The following CFAP58 variants were observed in gnomAD, a reference collection of about 807,000 sequenced individuals.
The protein encoded by CFAP58 is cilia and flagella associated protein 58, also known as cilia- and flagella-associated protein 58.
In CFAP58, 88 loss-of-function variants were observed where a neutral mutation model predicts 119.5. The ratio of observed to expected loss-of-function variants is 0.74; its 90% confidence interval spans 0.62 to 0.88. The LOEUF (loss-of-function observed/expected upper bound fraction) is 0.88, where lower values mean the gene tolerates loss of function less well. Among genes scored for constraint, CFAP58 ranks in the 40% least tolerant of loss-of-function variants. The probability of loss-of-function intolerance (pLI) is 0.00; values close to 1 mark genes in which losing one functional copy is unlikely to be tolerated. For missense variants in CFAP58, 990 were observed against 1,021.2 expected, an observed-to-expected ratio of 0.97 and a Z score of 0.42; for synonymous variants, 365 against 366.3, an observed-to-expected ratio of 1.00 and a Z score of 0.04.
At chr10:104,345,125 C>G in the CFAP58 span, among the ~76,000 whole-genome samples, 1 of 151,146 alleles carries the variant, frequency 6.6e-6, no homozygotes, top group Non-Finnish European at 1.5e-5. Flanking sequence ...CCAGCCTGGG[C>G]GACAGAGTGA....
chr10:104,363,620 A>G (rs902260044), intron 3 of CFAP58, among the ~76,000 whole-genome samples: 7 of 152,218 alleles, frequency 4.6e-5, no homozygotes, highest in Non-Finnish European at 1.0e-4. Context: ...TGGAAGAAAC[A>G]ATCCAGCCAA....
chr10:104,428,037 G>A (rs888289446), intron 15 of CFAP58, among the ~76,000 whole-genome samples: 2 of 152,170 alleles, frequency 1.3e-5, no homozygotes, highest in African/African-American at 2.4e-5. Flanking sequence ...TGTATTCCTT[G>A]CTTAGATAAA....
intron 1 of CFAP58, among the ~76,000 whole-genome samples, chr10:104,357,986 CACATATATGTACACAT>C (rs2014606432): frequency 7.0e-6 from 1 of 142,634 alleles, no homozygotes; most frequent in African/African-American, 2.7e-5. Flanking sequence ...TACATATGTA[CACATATATGTACACAT>C]ATATACACAT....
intron 1 of CFAP58, among the ~76,000 whole-genome samples, chr10:104,357,847 A>G (rs1261362928): frequency 2.0e-5 from 1 of 51,046 alleles, no homozygotes; most frequent in Admixed American, 1.6e-4. Context: ...ACACATATGT[A>G]CACATATATA....
intron 15 of CFAP58, among the ~76,000 whole-genome samples, chr10:104,442,518 G>A (rs767697061): frequency 6.6e-6 from 1 of 151,680 alleles, no homozygotes; most frequent in Non-Finnish European, 1.5e-5. Context: ...AACCCGCGAG[G>A]TGGAGGTTGC....
chr10:104,381,739 A>G (rs1564886223), intron 9 of CFAP58, among the ~76,000 whole-genome samples: 1 of 152,172 alleles, frequency 6.6e-6, no homozygotes, highest in African/African-American at 2.4e-5. Context: ...CTTCCCACTT[A>G]GACTAAATCA....
At chr10:104,423,963 T>A (rs1166859204) in intron 15 of CFAP58, among the ~76,000 whole-genome samples, 1 of 152,200 alleles carries the variant, frequency 6.6e-6, no homozygotes, top group Non-Finnish European at 1.5e-5. Context: ...AACACCTACA[T>A]GAATCCTTAA....
intron 9 of CFAP58, 29 bp from the exon 10 acceptor site, chr10:104,392,204 C>T (rs201667625): frequency 1.3e-6 from 2 of 1,532,634 alleles, no homozygotes; most frequent in South Asian, 2.6e-5. Flanking sequence ...GGCTATTTAA[C>T]CACATTCATA....
chr10:104,407,379 C>G (rs1261976148), intron 15 of CFAP58, among the ~76,000 whole-genome samples: 1 of 152,182 alleles, frequency 6.6e-6, no homozygotes, highest in Non-Finnish European at 1.5e-5. Flanking sequence ...CCTACTTGGT[C>G]CCATTTCCTC....
At chr10:104,412,720 C>T (rs76301067) in intron 15 of CFAP58, among the ~76,000 whole-genome samples, 82 of 152,152 alleles carry the variant, frequency 5.4e-4, no homozygotes, top group Non-Finnish European at 7.4e-4. Context: ...GCAGCAGGTA[C>T]GATGGAAGCC....
the CFAP58 span, among the ~76,000 whole-genome samples, chr10:104,342,137 C>A: frequency 6.6e-6 from 1 of 152,134 alleles, no homozygotes; most frequent in Non-Finnish European, 1.5e-5. Context: ...CAGGGCTGAT[C>A]AAAGGATATG....
chr10:104,403,591 G>T, intron 13 of CFAP58, 138 bp from the exon 14 acceptor site: 1 of 449,226 alleles, frequency 2.2e-6, no homozygotes, highest in Non-Finnish European at 4.0e-6. Flanking sequence ...GAATTAGGAG[G>T]CTGGTCCCTG....
intron 15 of CFAP58, among the ~76,000 whole-genome samples, chr10:104,435,274 G>A (rs1361142177): frequency 6.6e-6 from 1 of 152,212 alleles, no homozygotes; most frequent in Non-Finnish European, 1.5e-5. Context: ...TTGAGGTCAG[G>A]AGTTCAAGAC....
At chr10:104,435,210 G>A (rs2012913216) in intron 15 of CFAP58, among the ~76,000 whole-genome samples, 2 of 152,224 alleles carry the variant, frequency 1.3e-5, no homozygotes, top group Non-Finnish European at 2.9e-5. Flanking sequence ...GGCCGGACAT[G>A]TTGGCTCAAG....
At position 104,400,697 on chromosome 10, in the gene CFAP58, T is replaced by C. The variant is rs752328168; in HGVS notation, c.1833T>C (p.Asp611=). Residue 611 remains aspartate (D), a synonymous_variant, in exon 13 of 18, where the codon GAT becomes GAC. Transcript: ENST00000369704. The stretch of plus-strand genomic sequence containing the variant: ...CTTCCTAGGTCATCAGTGAGAGAGA[T>C]ATCCTGGGGTCTCAGCTTGTTCGGC... The part of the protein sequence containing the change: ...KELDQVISER[D]ILGSQLVRRN... The C allele has an allele frequency of 6.2e-7, 1 of 1,613,946 alleles. No individual in the cohort carries two copies. The highest frequency in any genetic ancestry group is 1.1e-5 in the South Asian group (1 of 91,064).
the CFAP58 span, among the ~76,000 whole-genome samples, chr10:104,344,101 T>A: frequency 6.6e-6 from 1 of 152,216 alleles, no homozygotes; most frequent in Non-Finnish European, 1.5e-5. Flanking sequence ...AAACTGTTAT[T>A]GGTTTATGTA....
At chr10:104,379,359 G>A (rs1268880982) in intron 8 of CFAP58, among the ~76,000 whole-genome samples, 2 of 152,132 alleles carry the variant, frequency 1.3e-5, no homozygotes, top group Non-Finnish European at 2.9e-5. Flanking sequence ...TCTTTTTACG[G>A]CTGAATGCTA....
intron 2 of CFAP58, among the ~76,000 whole-genome samples, chr10:104,360,180 C>T (rs941639180): frequency 2.0e-5 from 3 of 152,192 alleles, no homozygotes; most frequent in African/African-American, 7.2e-5. Context: ...ATAAAGGACC[C>T]ACATTCTACT....
At chr10:104,410,683 G>A (rs2012445721) in intron 15 of CFAP58, among the ~76,000 whole-genome samples, 1 of 151,996 alleles carries the variant, frequency 6.6e-6, no homozygotes, top group African/African-American at 2.4e-5. Context: ...ATGTTTCAGA[G>A]TTTCAGCACA....
Sources: gnomAD v4.1 joint callset for allele counts (sites outside exome capture counted in the v4.1 genomes callset) on GRCh38, gnomAD v4.1.1 for gene constraint, MANE v1.5 for transcripts, NCBI Gene and HGNC (gene_info 2026-07-23, HGNC 2026-07-21) for gene names.